PKD2: variants seen among roughly 807,000 people sequenced by gnomAD.
PKD2 encodes the protein polycystin-2.
A neutral mutation model predicts 105.9 loss-of-function variants in PKD2; 48 were observed. That is an observed-to-expected ratio of 0.45 (90% CI 0.36 to 0.58). PKD2 has a LOEUF of 0.58. Ranked by LOEUF, PKD2 falls within the 20% of genes least tolerant of loss-of-function variation. The pLI is 0.00. For missense variants in PKD2, 1,078 were observed against 1,255.3 expected (o/e 0.86, Z 2.13); for synonymous variants, 464 against 481.1 (o/e 0.96, Z 0.46).
chr4:88,071,141 G>A (rs1267100619), intron 13 of PKD2, among the ~76,000 whole-genome samples: 2 of 151,238 alleles, frequency 1.3e-5, no homozygotes, highest in African/African-American at 2.4e-5. Context: ...CTGCAGCCTC[G>A]AACTCCTGAA....
At chr4:88,032,123 T>C (rs1201499126) in intron 2 of PKD2, among the ~76,000 whole-genome samples, 4 of 152,172 alleles carry the variant, frequency 2.6e-5, no homozygotes, top group Non-Finnish European at 1.5e-5. Context: ...TATTATTTAG[T>C]ATTTTCCTCT....
intron 13 of PKD2, 71 bp downstream of exon 13, chr4:88,068,132 C>A: frequency 8.4e-7 from 1 of 1,191,698 alleles, no homozygotes; most frequent in Non-Finnish European, 1.3e-6. Flanking sequence ...TCCCTCATCT[C>A]TCTGAATTCA....
intron 2 of PKD2, among the ~76,000 whole-genome samples, chr4:88,026,958 G>A (rs753862920): frequency 2.0e-5 from 3 of 152,200 alleles, no homozygotes; most frequent in African/African-American, 4.8e-5. Flanking sequence ...TTTGGAAGCC[G>A]CTGCCTAGAT....
Position 88,046,967 on chromosome 4 carries a change from A to G in PKD2, c.1548+97A>G, listed in dbSNP as rs1727798689. 7.5e-6 allele frequency: 6 copies of G among 799,710 alleles called. No homozygotes were observed. The East Asian group carries it at 9.8e-5, about 13-fold the overall frequency. 49.5% of individuals were successfully genotyped at this position (799,710 alleles called of 1,614,324 possible). Reference sequence around the variant, plus strand: ...CAGCATTGTGGATCTTGATATTCCCAAAAAAGAATCTAAAAGTCCCCCTCA... The same window carrying G: ...CAGCATTGTGGATCTTGATATTCCCGAAAAAGAATCTAAAAGTCCCCCTCA... On this transcript the variant is annotated intron_variant, in intron 6 of 14. Coordinates refer to ENST00000237596, the MANE Select transcript of PKD2 (RefSeq NM_000297.4).
rs1467865450 is a variant in PKD2, at chr4:88,043,578, C to A, written c.1319+121C>A. ...TACATGAGGATGCCAAGGACCCAGA[C>A]GGATAGCAAGGGAGGGGTAAAAACT... is the stretch of plus-strand genomic sequence containing the variant. On this transcript the variant is annotated intron_variant, in intron 5 of 14. Transcript: ENST00000237596. 8 of 689,920 alleles carry A rather than the reference C, an allele frequency of 1.2e-5. No homozygotes were observed. The Admixed American group carries it at 1.9e-4, about 17-fold the overall frequency. The allele number at this position is 689,920 out of a possible 1,614,324, so 42.7% of individuals were successfully genotyped here.
chr4:88,038,558 TC>T, intron 4 of PKD2, 57 bp downstream of exon 4: 2 of 1,559,256 alleles, frequency 1.3e-6, no homozygotes, highest in Non-Finnish European at 1.8e-6. Context: ...TTCTCTGAAC[TC>T]CCACCATTCA....
chr4:88,058,914 A>G (rs773865630), intron 9 of PKD2, among the ~76,000 whole-genome samples: 1 of 152,150 alleles, frequency 6.6e-6, no homozygotes, highest in Non-Finnish European at 1.5e-5. Context: ...AATTTAGGCA[A>G]TATTTTTCAT....
rs951560798 is a variant in PKD2, at chr4:88,065,255, C to G, written c.2119-119C>G. ...TAATTCTTCATTCATCCAGCACGTACTTGTTGAATGGCCAATGTACACCAG... is the reference window on the plus strand; with the variant it reads ...TAATTCTTCATTCATCCAGCACGTAGTTGTTGAATGGCCAATGTACACCAG... On this transcript the variant is annotated intron_variant, in intron 10 of 14. Coordinates refer to ENST00000237596, the MANE Select transcript of PKD2 (RefSeq NM_000297.4). 6 of 855,572 alleles carry G rather than the reference C, an allele frequency of 7.0e-6. No homozygotes were observed. The Admixed American group carries it at 1.1e-4, about 15-fold the overall frequency. The allele number at this position is 855,572 out of a possible 1,614,324, so 53.0% of individuals were successfully genotyped here.
chr4:88,043,431 C>T lies in PKD2; in HGVS notation c.1293C>T (p.Ala431=). 1 of 1,612,870 alleles carries T rather than the reference C, an allele frequency of 6.2e-7. No individual in the cohort carries two copies. The highest frequency in any genetic ancestry group is 2.2e-5 in the East Asian group (1 of 44,862). The change falls in exon 5 of 15, where the codon GCC becomes GCT. Residue 431 remains alanine, a synonymous_variant. Coordinates refer to ENST00000237596, the MANE Select transcript of PKD2 (RefSeq NM_000297.4). ...TTATTGACTTCTCAGTGTACAACGC[C>T]AACATTAACCTGTTCTGTGTGGTCA... ...ATFIDFSVYN[A]NINLFCVVRL...
intron 9 of PKD2, among the ~76,000 whole-genome samples, chr4:88,060,615 G>C (rs1720537372): frequency 6.6e-6 from 1 of 152,056 alleles, no homozygotes; most frequent in Non-Finnish European, 1.5e-5. Context: ...TTATCAAATA[G>C]AAATACTTGC....
chr4:88,049,492 CTT>C (rs1727896156), intron 6 of PKD2, among the ~76,000 whole-genome samples: 3 of 152,128 alleles, frequency 2.0e-5, no homozygotes, highest in Admixed American at 2.0e-4. Context: ...TTAAACAACA[CTT>C]AATACTGCCA....
intron 12 of PKD2, 150 bp downstream of exon 12, chr4:88,066,029 T>G: frequency 1.5e-6 from 1 of 678,472 alleles, no homozygotes; most frequent in Non-Finnish European, 2.7e-6. Flanking sequence ...GTTAGTACCC[T>G]GTTTATTCCA....
At chr4:88,074,061 A>G (rs1721136230) in intron 13 of PKD2, among the ~76,000 whole-genome samples, 1 of 152,188 alleles carries the variant, frequency 6.6e-6, no homozygotes, top group Non-Finnish European at 1.5e-5. Flanking sequence ...CCACAGTATA[A>G]TGTCTGATGT....
chr4:88,069,653 T>A (rs1720940033), intron 13 of PKD2, among the ~76,000 whole-genome samples: 4 of 152,218 alleles, frequency 2.6e-5, no homozygotes, highest in Middle Eastern at 3.4e-3. Context: ...AATGTTACAT[T>A]TTTATAACAC....
intron 1 of PKD2, among the ~76,000 whole-genome samples, chr4:88,018,666 C>T (rs1726643891): frequency 6.6e-6 from 1 of 152,240 alleles, no homozygotes; most frequent in African/African-American, 2.4e-5. Flanking sequence ...ACTGCGGTCA[C>T]TCTCTCCAGC....
In PKD2 at chr4:88,043,383, G is replaced by A. The variant is rs1463226408; in HGVS notation, c.1245G>A (p.Leu415=). The stretch of plus-strand genomic sequence containing the variant: ...CTAGCCTCAAGAAAAATGTCTGGCT[G>A]GACCGAGGAACCAGGGCAACTTTTA... The part of the protein sequence containing the change: ...QVASLKKNVW[L]DRGTRATFID... The change falls in exon 5 of 15, where the codon CTG becomes CTA. Residue 415 remains leucine (L), a synonymous_variant. Transcript: ENST00000237596. 4 of 1,613,998 alleles carry A rather than the reference G, an allele frequency of 2.5e-6. No individual in the cohort carries two copies. The South Asian group carries it at 3.3e-5, about 13-fold the overall frequency.
chr4:88,060,671 G>A (rs1366304045), intron 9 of PKD2, among the ~76,000 whole-genome samples: 1 of 152,040 alleles, frequency 6.6e-6, no homozygotes, highest in Non-Finnish European at 1.5e-5. Context: ...TAAAAAAAAA[G>A]TTGGTGGGGG....
chr4:88,028,288 T>G (rs1727027302), intron 2 of PKD2, among the ~76,000 whole-genome samples: 1 of 152,230 alleles, frequency 6.6e-6, no homozygotes, highest in Non-Finnish European at 1.5e-5. Flanking sequence ...TCCATGAAGA[T>G]CGAGTTGATA....
At chr4:88,044,976 A>G (rs1253827185) in intron 5 of PKD2, among the ~76,000 whole-genome samples, 1 of 152,234 alleles carries the variant, frequency 6.6e-6, no homozygotes, top group African/African-American at 2.4e-5. Flanking sequence ...TTGCAGTATT[A>G]TTGAGTTTTT....
Sources: gnomAD v4.1 joint callset for allele counts (sites outside exome capture counted in the v4.1 genomes callset) on GRCh38, gnomAD v4.1.1 for gene constraint, MANE v1.5 for transcripts, NCBI Gene and HGNC (gene_info 2026-07-23, HGNC 2026-07-21) for gene names.